PAK1: variants seen among roughly 807,000 people sequenced by gnomAD.
PAK1 encodes the protein p21 (RAC1) activated kinase 1.
PAK1 carries 29 observed loss-of-function variants against 67.4 expected under a neutral mutation model. The observed-to-expected ratio is 0.43, with a 90% CI of 0.32 to 0.59. The LOEUF is 0.59. Among genes scored for constraint, PAK1 ranks in the 20% least tolerant of loss-of-function variants. The pLI is 0.07. For missense variants in PAK1, 337 were observed against 670.7 expected (o/e 0.50, Z 5.50); for synonymous variants, 223 against 237.4 (o/e 0.94, Z 0.56).
intron 5 of PAK1, among the ~76,000 whole-genome samples, chr11:77,361,453 C>T (rs911609165): frequency 1.3e-5 from 2 of 152,102 alleles, no homozygotes; most frequent in African/African-American, 4.8e-5. Context: ...AGAAAGTTAG[C>T]TGGGAATCAG....
intron 4 of PAK1, among the ~76,000 whole-genome samples, chr11:77,377,668 C>A (rs576912399): frequency 6.6e-6 from 1 of 152,296 alleles, no homozygotes; most frequent in South Asian, 2.1e-4. Flanking sequence ...ACCCACAGGG[C>A]TATGTCTCTG....
intron 1 of PAK1, among the ~76,000 whole-genome samples, chr11:77,440,678 A>G (rs779678629): frequency 1.2e-4 from 18 of 152,250 alleles, no homozygotes; most frequent in Non-Finnish European, 2.4e-4. Context: ...GGAAAGAAAG[A>G]AAACAGACAG....
intron 1 of PAK1, among the ~76,000 whole-genome samples, chr11:77,396,386 T>C (rs534925568): frequency 6.6e-6 from 1 of 152,352 alleles, no homozygotes; most frequent in East Asian, 1.9e-4. Context: ...GCTCTTACAC[T>C]GCATTGCAAT....
intron 7 of PAK1, among the ~76,000 whole-genome samples, chr11:77,354,049 C>G (rs1342471854): frequency 1.3e-5 from 2 of 151,880 alleles, no homozygotes; most frequent in African/African-American, 4.8e-5. Context: ...GAGGCACACA[C>G]ACACAAAAAA....
intron 1 of PAK1, among the ~76,000 whole-genome samples, chr11:77,410,957 C>T (rs751687762): frequency 6.6e-5 from 10 of 152,052 alleles, no homozygotes; most frequent in Non-Finnish European, 1.5e-4. Context: ...TAGTTTAACG[C>T]AACTTTATAC....
chr11:77,412,500 T>C (rs1954674310), intron 1 of PAK1, among the ~76,000 whole-genome samples: 1 of 152,048 alleles, frequency 6.6e-6, no homozygotes, highest in Non-Finnish European at 1.5e-5. Flanking sequence ...GGATCTTGAC[T>C]CACTGCAGCC....
rs142130899 is a variant in PAK1 at position 77,379,743 on chromosome 11, G to A, written c.291+151C>T. ...AGGCTTCTCTGGATACAATTTTGGC[G>A]ATGAAAGTGTCCCACTCATGAACGT... On this transcript the variant is annotated intron_variant, in intron 3 of 14. Transcript: ENST00000356341. 716 of 624,814 alleles carry A rather than the reference G, an allele frequency of 1.1e-3. 2 individuals carry two copies. Among genetic ancestry groups the A allele is most frequent in the African/African-American group, 0.011 (592 of 54,434 alleles). 38.7% of individuals were successfully genotyped at this position (624,814 alleles called of 1,614,324 possible). A position where few individuals can be genotyped will look rare whatever the true frequency, so the allele number is the denominator to read the frequency against.
chr11:77,415,818 A>C (rs896109583), intron 1 of PAK1, among the ~76,000 whole-genome samples: 6 of 152,118 alleles, frequency 3.9e-5, no homozygotes, highest in African/African-American at 7.2e-5. Context: ...CAATAAATTA[A>C]CCTTAACTTC....
intron 1 of PAK1, among the ~76,000 whole-genome samples, chr11:77,416,813 C>T (rs1194088233): frequency 6.6e-6 from 1 of 152,004 alleles, no homozygotes; most frequent in Admixed American, 6.6e-5. Flanking sequence ...ATTAGCAGGG[C>T]GTGGTGGCGG....
the PAK1 span, among the ~76,000 whole-genome samples, chr11:77,479,676 C>G: frequency 1.8e-4 from 23 of 128,056 alleles, no homozygotes; most frequent in Admixed American, 2.3e-3. Context: ...GGTACGATAT[C>G]GGCTCACTGC....
intron 1 of PAK1, among the ~76,000 whole-genome samples, chr11:77,408,810 T>A (rs906217897): frequency 2.0e-5 from 3 of 152,120 alleles, no homozygotes; most frequent in Admixed American, 6.5e-5. Flanking sequence ...TAATCCAATT[T>A]AAAAACTGGC....
chr11:77,518,925 A>G, the PAK1 span, among the ~76,000 whole-genome samples: 1 of 152,186 alleles, frequency 6.6e-6, no homozygotes, highest in Non-Finnish European at 1.5e-5. Context: ...AGATTCAACA[A>G]TTATTAGAAT....
intron 8 of PAK1, chr11:77,353,331 A>G (rs1047843508): frequency 2.1e-6 from 1 of 483,350 alleles, no homozygotes; most frequent in African/African-American, 2.0e-5. Flanking sequence ...TTTTAGCAAC[A>G]TGGTCAGCTA....
intron 10 of PAK1, among the ~76,000 whole-genome samples, chr11:77,341,560 C>A (rs952294141): frequency 2.6e-5 from 4 of 152,154 alleles, no homozygotes; most frequent in African/African-American, 9.7e-5. Context: ...GGAGTTGGAT[C>A]ACTCAACCCT....
At chr11:77,511,043 G>A in the PAK1 span, among the ~76,000 whole-genome samples, 1 of 152,184 alleles carries the variant, frequency 6.6e-6, no homozygotes, top group Non-Finnish European at 1.5e-5. Flanking sequence ...TTGTGTTACT[G>A]AAAGCTTTTT....
intron 6 of PAK1, 54 bp from the exon 7 acceptor site, chr11:77,355,896 A>G: frequency 8.7e-7 from 1 of 1,145,582 alleles, no homozygotes; most frequent in Middle Eastern, 2.0e-4. Flanking sequence ...GCATAGGGGA[A>G]CCTCTCCTAG....
intron 1 of PAK1, among the ~76,000 whole-genome samples, chr11:77,399,595 C>G (rs1952334974): frequency 6.6e-6 from 1 of 151,948 alleles, no homozygotes; most frequent in Non-Finnish European, 1.5e-5. Flanking sequence ...CGCGGTGGCT[C>G]ACGCCTGTAA....
intron 1 of PAK1, among the ~76,000 whole-genome samples, chr11:77,440,063 G>A (rs1956287910): frequency 6.6e-6 from 1 of 152,194 alleles, no homozygotes; most frequent in Non-Finnish European, 1.5e-5. Flanking sequence ...CACAGGTAAC[G>A]TTGGACCATT....
At chr11:77,516,722 G>A in the PAK1 span, among the ~76,000 whole-genome samples, 6 of 151,604 alleles carry the variant, frequency 4.0e-5, no homozygotes, top group East Asian at 9.7e-4. Flanking sequence ...TAACTACAAA[G>A]TCTAGGCATG....
Sources: allele counts gnomAD v4.1 joint callset (sites outside exome capture counted in the v4.1 genomes callset), GRCh38; gene constraint gnomAD v4.1.1; transcripts MANE v1.5; gene names NCBI Gene and HGNC (gene_info 2026-07-23, HGNC 2026-07-21).